Variants in CELF2 observed in about 807,000 individuals in gnomAD.
CELF2 encodes CUGBP Elav-like family member 2.
A neutral mutation model predicts 62.6 loss-of-function variants in CELF2; 8 were observed. The observed-to-expected ratio is 0.13, with a 90% CI of 0.07 to 0.23. The LOEUF (loss-of-function observed/expected upper bound fraction) is 0.23. Ranked by LOEUF, CELF2 falls within the 10% of genes least tolerant of loss-of-function variation. The probability of loss-of-function intolerance (pLI) is 1.00; values close to 1 mark genes in which losing one functional copy is unlikely to be tolerated. For synonymous variants in CELF2, 258 were observed against 250.0 expected (o/e 1.03, Z -0.30); for missense variants, 333 against 671.0 (o/e 0.50, Z 5.56).
chr10:10,691,662 G>A, the CELF2 span, among the ~76,000 whole-genome samples: 11 of 149,428 alleles, frequency 7.4e-5, no homozygotes, highest in South Asian at 2.2e-4. Flanking sequence ...ATCCTCTCCA[G>A]CACCTGTTGT....
At chr10:11,171,552 A>G (rs1275244517) in intron 2 of CELF2, among the ~76,000 whole-genome samples, 1 of 152,258 alleles carries the variant, frequency 6.6e-6, no homozygotes, top group African/African-American at 2.4e-5. Context: ...GAACAGAAGC[A>G]TAAAGACACC....
intron 1 of CELF2, among the ~76,000 whole-genome samples, chr10:11,109,346 G>A (rs2054497898): frequency 6.6e-6 from 1 of 152,150 alleles, no homozygotes; most frequent in Non-Finnish European, 1.5e-5. Flanking sequence ...TTCTGGAATA[G>A]CAAACAGACT....
At chr10:10,497,270 A>G in the CELF2 span, among the ~76,000 whole-genome samples, 2 of 152,080 alleles carry the variant, frequency 1.3e-5, no homozygotes, top group Non-Finnish European at 2.9e-5. Flanking sequence ...AGATTCACAA[A>G]GCTGAGGAAG....
At chr10:10,595,309 C>G in the CELF2 span, among the ~76,000 whole-genome samples, 5 of 140,216 alleles carry the variant, frequency 3.6e-5, no homozygotes, top group East Asian at 1.0e-3. Context: ...AGGAGTACCA[C>G]AGTCACGGGT....
chr10:10,881,347 C>A (rs1455601987), intron 1 of CELF2, among the ~76,000 whole-genome samples: 1 of 152,200 alleles, frequency 6.6e-6, no homozygotes, highest in East Asian at 1.9e-4. Flanking sequence ...GTACAGAATT[C>A]ATGAGTAACT....
chr10:11,014,915 C>T (rs1425061337), upstream of CELF2, among the ~76,000 whole-genome samples: 2 of 152,184 alleles, frequency 1.3e-5, no homozygotes, highest in Admixed American at 6.5e-5. Context: ...CACAATGCAG[C>T]TAAAACTATG....
At chr10:10,891,980 A>G (rs933003296) in intron 1 of CELF2, among the ~76,000 whole-genome samples, 15 of 152,194 alleles carry the variant, frequency 9.9e-5, no homozygotes, top group Non-Finnish European at 2.1e-4. Flanking sequence ...TGCAAGGCTT[A>G]TTCTTTAAAA....
In CELF2 at chr10:10,997,176, C is replaced by G. The variant is rs549000658; in HGVS notation, c.89+77177C>G. Among the ~76,000 whole-genome samples the G allele has an allele frequency of 2.6e-5, 4 of 152,190 alleles. No individual in the cohort carries two copies. The highest frequency in any genetic ancestry group is 9.6e-5 in the African/African-American group (4 of 41,504). The stretch of plus-strand genomic sequence containing the variant: ...TGGGCCGTTTTTAATCTGCCAGGCC[C>G]TTGTGTTTCCTCATTTGTGTCATGT... On this transcript the variant is annotated intron_variant, in intron 2 of 13. Coordinates refer to the CELF2 transcript ENST00000636488. This position sits in a 1 kb window ranked among gnomAD's most constrained non-coding sequence, Gnocchi z 5.3.
intron 2 of CELF2, among the ~76,000 whole-genome samples, chr10:11,210,216 TATATA>T (rs1226849676): frequency 6.6e-6 from 1 of 152,042 alleles, no homozygotes; most frequent in African/African-American, 2.4e-5. Flanking sequence ...AAAGAAAAAA[TATATA>T]GAGAGCTCAG....
intron 1 of CELF2, among the ~76,000 whole-genome samples, chr10:11,021,658 T>C (rs1247153235): frequency 6.6e-6 from 1 of 152,200 alleles, no homozygotes; most frequent in Admixed American, 6.5e-5. Flanking sequence ...TTGCCCACAT[T>C]TTACAGATGA....
chr10:11,049,583 TAC>T (rs1254742417), intron 1 of CELF2, among the ~76,000 whole-genome samples: 59 of 74,014 alleles, frequency 8.0e-4, no homozygotes, highest in African/African-American at 2.2e-3. Context: ...AAAAAAAAAA[TAC>T]TAATTTTTTT....
chr10:11,270,889 T>G lies in CELF2; in HGVS notation c.777+65T>G, dbSNP rs1469544879. The stretch of plus-strand genomic sequence containing the variant: ...AAACTCTGCAAACTGACTTTTCCCC[T>G]CCCTACGCTGAGGCATTTGTTTTCA... On this transcript the variant is annotated intron_variant, in intron 7 of 12. Coordinates refer to ENST00000633077, the MANE Select transcript of CELF2 (RefSeq NM_001326342.2). The surrounding 1 kb of genome is among the most constrained non-coding windows in gnomAD (Gnocchi z 5.8). The G allele has an allele frequency of 4.6e-6, 6 of 1,294,286 alleles. No individual in the cohort carries two copies. Among genetic ancestry groups the G allele is most frequent in the Non-Finnish European group, 5.0e-6 (5 of 997,186 alleles). The allele number at this position is 1,294,286 out of a possible 1,614,324, so 80.2% of individuals were successfully genotyped here.
chr10:11,014,163 G>C (rs1233243122), upstream of CELF2, among the ~76,000 whole-genome samples: 2 of 152,236 alleles, frequency 1.3e-5, no homozygotes, highest in Non-Finnish European at 2.9e-5. Context: ...TTGCAAATGT[G>C]ATAGGGGAAA....
At chr10:11,179,634 A>G (rs1410406022) in intron 2 of CELF2, among the ~76,000 whole-genome samples, 1 of 152,332 alleles carries the variant, frequency 6.6e-6, no homozygotes, top group East Asian at 1.9e-4. Flanking sequence ...AGTGTGCCGC[A>G]TCCCAGGAAT....
intron 9 of CELF2, among the ~76,000 whole-genome samples, chr10:11,301,769 T>C (rs969460945): frequency 2.6e-5 from 4 of 151,654 alleles, no homozygotes; most frequent in Non-Finnish European, 5.9e-5. Context: ...CTCTTCCTAT[T>C]TTCTCTGGCA....
At chr10:11,122,879 G>A (rs1322873032) in intron 1 of CELF2, among the ~76,000 whole-genome samples, 3 of 152,174 alleles carry the variant, frequency 2.0e-5, no homozygotes, top group African/African-American at 7.2e-5. Context: ...GTATGTGTCG[G>A]GCACCTGGTC....
the CELF2 span, among the ~76,000 whole-genome samples, chr10:10,605,075 G>A: frequency 4.0e-4 from 61 of 152,132 alleles, no homozygotes; most frequent in Non-Finnish European, 7.1e-4. Context: ...TATACACCAT[G>A]GAATACTATG....
At chr10:10,814,671 A>G (rs1156443997) in intron 1 of CELF2, among the ~76,000 whole-genome samples, 3 of 152,326 alleles carry the variant, frequency 2.0e-5, no homozygotes, top group South Asian at 4.1e-4. Context: ...ATGAGGTAAC[A>G]TGGCCCTCCA....
chr10:11,294,089 A>G (rs570311577), intron 9 of CELF2, among the ~76,000 whole-genome samples: 1 of 152,348 alleles, frequency 6.6e-6, no homozygotes, highest in Admixed American at 6.5e-5. Flanking sequence ...AATCATATGA[A>G]GCAGTCTTTT....
Sources: gnomAD v4.1 joint callset for allele counts (sites outside exome capture counted in the v4.1 genomes callset) on GRCh38, gnomAD v4.1.1 for gene constraint, Gnocchi (gnomAD v3.1) non-coding constraint, MANE v1.5 for transcripts, NCBI Gene and HGNC (gene_info 2026-07-23, HGNC 2026-07-21) for gene names.